Variants in ADGRG2 observed in about 807,000 individuals in gnomAD.
ADGRG2 encodes G protein-coupled receptor 64.
ADGRG2 carries 26 observed loss-of-function variants against 74.1 expected under a neutral mutation model. That is an observed-to-expected ratio of 0.35 (90% CI 0.26 to 0.49). The LOEUF (loss-of-function observed/expected upper bound fraction) is 0.49. ADGRG2 is among the 20% of genes least tolerant of loss of function. ADGRG2 has a pLI of 0.99. For synonymous variants in ADGRG2, 296 were observed against 295.2 expected, an observed-to-expected ratio of 1.00 and a Z score of -0.03; for missense variants, 619 against 763.1, an observed-to-expected ratio of 0.81 and a Z score of 2.22.
chrX:19,076,891 T>C (rs755932711), intron 2 of ADGRG2, among the ~76,000 whole-genome samples: 2 of 112,152 alleles, frequency 1.8e-5, no homozygotes, highest in Non-Finnish European at 3.8e-5. Flanking sequence ...ATATGCATTA[T>C]ATGTAATATA....
intron 20 of ADGRG2, 33 bp from the exon 21 acceptor site, chrX:19,006,298 T>C (rs2060228742): frequency 1.0e-6 from 1 of 958,363 alleles, no homozygotes; most frequent in South Asian, 2.1e-5. Context: ...ACATAATTAA[T>C]TTACTGAACT....
At chrX:19,027,044 G>C (rs1431012700) in intron 11 of ADGRG2, among the ~76,000 whole-genome samples, 175 bp downstream of exon 11, 2 of 111,960 alleles carry the variant, frequency 1.8e-5, no homozygotes, top group African/African-American at 6.5e-5. Flanking sequence ...GAGCCTCATG[G>C]GGATAATAGT....
At chrX:19,008,218 A>T in intron 18 of ADGRG2, 95 bp from the exon 19 acceptor site, 1 of 584,286 alleles carries the variant, frequency 1.7e-6, no homozygotes, top group Non-Finnish European at 2.6e-6. Flanking sequence ...TAATTGCAGT[A>T]TGTGCCATTT....
chrX:19,099,037 A>T (rs1178807471), intron 1 of ADGRG2, among the ~76,000 whole-genome samples: 3 of 111,857 alleles, frequency 2.7e-5, no homozygotes, highest in Non-Finnish European at 3.8e-5. Context: ...TACAAAAATT[A>T]GCCAGGCGTG....
In ADGRG2 at chrX:19,068,839, G is replaced by T. The variant is rs192346825; in HGVS notation, c.-1-4C>A. 1.4e-4 allele frequency: 136 copies of T among 956,738 alleles called. No homozygotes were observed. The African/African-American group carries it at 2.3e-3, about 16-fold the overall frequency. The allele number at this position is 956,738 out of a possible 1,213,427, so 78.8% of individuals were successfully genotyped here. ...CTGCCTGACAGAGAAAACCATCCTG[G>T]AATAAAGTAAGGAGAAGACAGATCA... is the stretch of plus-strand genomic sequence containing the variant. On this transcript the variant is annotated splice_polypyrimidine_tract_variant and splice_region_variant and intron_variant, in intron 2 of 28. Transcript: ENST00000379869.
At chrX:19,019,083 G>T (rs764871205) in intron 15 of ADGRG2, among the ~76,000 whole-genome samples, 18 of 111,729 alleles carry the variant, frequency 1.6e-4, no homozygotes, top group Middle Eastern at 4.6e-3. Flanking sequence ...CTGACCTCGT[G>T]ATCCGCCCAC....
chrX:19,037,753 A>G (rs2060972387), intron 4 of ADGRG2, 117 bp from the exon 5 acceptor site: 3 of 488,989 alleles, frequency 6.1e-6, no homozygotes, highest in Non-Finnish European at 1.0e-5. Context: ...CTAGCAGACC[A>G]AGTTGTAGTT....
chrX:19,019,245 T>A (rs1229804007), intron 15 of ADGRG2, among the ~76,000 whole-genome samples: 4 of 112,010 alleles, frequency 3.6e-5, no homozygotes, highest in African/African-American at 1.3e-4. Context: ...CCCAAATATA[T>A]GAAAAAATGT....
intron 1 of ADGRG2, among the ~76,000 whole-genome samples, chrX:19,087,551 G>A (rs1025763341): frequency 8.9e-6 from 1 of 112,791 alleles, no homozygotes; most frequent in Non-Finnish European, 1.9e-5. Context: ...CCAAAGAGAG[G>A]AAATGGCTGA....
In ADGRG2 at chrX:19,121,762, T is replaced by A. The variant is rs1256887989; in HGVS notation, c.-47+680A>T. Among the ~76,000 whole-genome samples the A allele has an allele frequency of 2.7e-5, 3 of 110,552 alleles. No homozygotes were observed. In the East Asian group the frequency reaches 8.6e-4, roughly 32 times the overall value. On this transcript the variant is annotated intron_variant, in intron 1 of 28. Transcript: ENST00000379869. ...TGTCGAAGCAGCCACGGAAAACCTG[T>A]CCCCTGCTTCGTCTGGCTCTCGGGA...
intron 1 of ADGRG2, among the ~76,000 whole-genome samples, chrX:19,083,170 A>ATTTTTTT (rs58522004): frequency 1.3e-4 from 11 of 83,189 alleles, no homozygotes; most frequent in East Asian, 3.9e-4. Flanking sequence ...CACCCGGCTA[A>ATTTTTTT]TTTTTTTTTT....
chrX:19,029,479 C>T (rs1263402773), intron 9 of ADGRG2, among the ~76,000 whole-genome samples: 1 of 111,041 alleles, frequency 9.0e-6, no homozygotes, highest in Non-Finnish European at 1.9e-5. Flanking sequence ...CCACTTTCTT[C>T]ACCAGCCTCC....
intron 1 of ADGRG2, among the ~76,000 whole-genome samples, chrX:19,117,094 A>C (rs1386692963): frequency 9.0e-6 from 1 of 110,498 alleles, no homozygotes; most frequent in Non-Finnish European, 1.9e-5. Flanking sequence ...GTTCAAGACC[A>C]ACCTGGCCAA....
chrX:19,086,245 A>G (rs2082857948), intron 1 of ADGRG2, among the ~76,000 whole-genome samples: 1 of 111,112 alleles, frequency 9.0e-6, no homozygotes, highest in South Asian at 3.8e-4. Context: ...GGGTTCTTAC[A>G]TCATTGAAGG....
chrX:18,999,985 C>CA (rs1431552387), intron 24 of ADGRG2, 25 bp from the exon 25 acceptor site: 3 of 727,513 alleles, frequency 4.1e-6, no homozygotes, highest in Non-Finnish European at 6.3e-6. Flanking sequence ...ACATTGGTCA[C>CA]ACCTAATTTT....
chrX:19,065,923 T>C (rs747441609), intron 3 of ADGRG2, among the ~76,000 whole-genome samples: 12 of 112,371 alleles, frequency 1.1e-4, no homozygotes, highest in South Asian at 7.4e-4. Context: ...TCTCAGCTCA[T>C]TGCAACCTCT....
chrX:19,121,920 C>G (rs1003035651), intron 1 of ADGRG2, among the ~76,000 whole-genome samples: 5 of 111,952 alleles, frequency 4.5e-5, no homozygotes, highest in African/African-American at 1.6e-4. Flanking sequence ...TGGCTCCGGG[C>G]CGCCGCTCCG....
At chrX:18,996,305 C>T (rs751767179) in intron 26 of ADGRG2, among the ~76,000 whole-genome samples, 153 bp from the exon 27 acceptor site, 1 of 111,840 alleles carries the variant, frequency 8.9e-6, no homozygotes, top group Non-Finnish European at 1.9e-5. Context: ...CCTAGGAAAG[C>T]TTGCTGTCAA....
intron 23 of ADGRG2, among the ~76,000 whole-genome samples, chrX:19,004,175 T>C (rs1341714428): frequency 8.9e-6 from 1 of 112,087 alleles, no homozygotes; most frequent in Non-Finnish European, 1.9e-5. Context: ...ATGTCCTTCT[T>C]TTCCATTAGA....
Sources: allele counts gnomAD v4.1 joint callset (sites outside exome capture counted in the v4.1 genomes callset), GRCh38; gene constraint gnomAD v4.1.1; transcripts MANE v1.5; gene names NCBI Gene and HGNC (gene_info 2026-07-23, HGNC 2026-07-21).